Variants in C12orf57 observed in about 807,000 individuals in gnomAD.
C12orf57 encodes the protein chromosome 12 open reading frame 57.
Under a neutral mutation model 11.3 loss-of-function variants are expected in C12orf57, and 14 were observed. That is an observed-to-expected ratio of 1.24 (90% CI 0.82 to 1.94). The LOEUF (loss-of-function observed/expected upper bound fraction) is 1.94, where lower values mean the gene tolerates loss of function less well. Ranked by LOEUF, C12orf57 falls within the 30% of genes most tolerant of loss-of-function variation. The pLI is 0.00. For missense variants in C12orf57, 229 were observed against 172.4 expected (o/e 1.33, Z -1.84); for synonymous variants, 100 against 74.6 (o/e 1.34, Z -1.76).
At chr12:6,944,003 G>C (rs782482974), upstream of C12orf57, 26 of 1,594,736 alleles carry the variant, frequency 1.6e-5, no homozygotes, top group East Asian at 2.2e-5. Context: ...GGCGCTTCCG[G>C]CTGCGCCGGA....
intron 2 of C12orf57, 86 bp from the exon 3 acceptor site, chr12:6,945,685 G>A: frequency 7.0e-7 from 1 of 1,433,020 alleles, no homozygotes; most frequent in Non-Finnish European, 9.7e-7. Flanking sequence ...TGGGGGAGCA[G>A]TTCATGCTTA....
upstream of C12orf57, chr12:6,943,945 T>A: frequency 1.4e-6 from 2 of 1,452,830 alleles, no homozygotes; most frequent in African/African-American, 2.9e-5. Context: ...GTTTTGGTGG[T>A]CTTGATGCAG....
chr12:6,943,811 C>CT, upstream of C12orf57: 1 of 858,122 alleles, frequency 1.2e-6, no homozygotes, highest in South Asian at 1.8e-5. Flanking sequence ...CAAACACATA[C>CT]GCAGCAGTGT....
upstream of C12orf57, chr12:6,943,870 A>AC (rs782583480): frequency 6.3e-6 from 6 of 956,492 alleles, no homozygotes; most frequent in South Asian, 3.5e-5. Flanking sequence ...TTTTTACCGG[A>AC]AAGCCCCTCT....
Position 6,945,973 on chromosome 12 carries a change from C to T in C12orf57, c.*51C>T. 1 of 1,573,092 alleles carries T rather than the reference C, an allele frequency of 6.4e-7. No homozygotes were observed. The highest frequency in any genetic ancestry group is 1.3e-5 in the African/African-American group (1 of 74,234). ...CCAGGGGAGGAAAGGCCTTGATGTTCCAGACAATAATAAATGCGCCTGTGA... is the reference window on the plus strand; with the variant it reads ...CCAGGGGAGGAAAGGCCTTGATGTTTCAGACAATAATAAATGCGCCTGTGA... On this transcript the variant is annotated 3_prime_UTR_variant, in exon 3 of 3. Transcript: ENST00000229281.
Position 6,944,136 on chromosome 12 carries a change from G to A in C12orf57, c.15G>A (p.Ser5=), listed in dbSNP as rs144652065. 3.1e-6 allele frequency: 5 copies of A among 1,614,070 alleles called. No individual in the cohort carries two copies. The highest frequency in any genetic ancestry group is 1.3e-5 in the African/African-American group (1 of 74,928). Reference sequence around the variant, plus strand: ...TCAGACGCCCTATGGCGTCCGCCTCGACCCAACCGGCGGCCTTGAGCGCTG... The same window carrying A: ...TCAGACGCCCTATGGCGTCCGCCTCAACCCAACCGGCGGCCTTGAGCGCTG... MASA[S]TQPAALSAEQ... The change falls in exon 1 of 3, where the codon TCG becomes TCA. Residue 5 remains serine (S), a synonymous_variant. Transcript: ENST00000229281.
chr12:6,944,947 G>A lies in C12orf57; in HGVS notation c.229+295G>A, dbSNP rs1555146236. The stretch of plus-strand genomic sequence containing the variant: ...TTACATATACATGGATATCTTGGGG[G>A]ATGGGACCTAAATCTGAACACGAAA... On this transcript the variant is annotated intron_variant, in intron 2 of 2. Coordinates refer to ENST00000229281, the MANE Select transcript of C12orf57 (RefSeq NM_138425.4). The A allele has an allele frequency of 3.1e-5, 35 of 1,129,654 alleles. No individual in the cohort carries two copies. The East Asian group carries it at 9.3e-4, about 30-fold the overall frequency. 70.0% of individuals were successfully genotyped at this position (1,129,654 alleles called of 1,614,324 possible).
upstream of C12orf57, chr12:6,943,508 G>A (rs781922207): frequency 5.7e-5 from 73 of 1,275,394 alleles, no homozygotes; most frequent in Non-Finnish European, 7.3e-5. Context: ...CTGCGACAAC[G>A]GCTTTTGCTC....
chr12:6,945,840 G>C lies in C12orf57; in HGVS notation c.299G>C (p.Gly100Ala). ...AQDPEIASLS[G>A]KLKALFLPPM... ...GATCCTGAGATCGCCAGCCTGTCAG[G>C]CAAGCTGAAGGCGCTGTTTCTGCCG... The change falls in exon 3 of 3, where the codon GGC becomes GCC. Residue 100 changes from glycine to alanine, a missense_variant. By Grantham distance (60) the Gly-to-Ala change is moderately conservative. Transcript: ENST00000229281. 1 of 1,613,816 alleles carries C rather than the reference G, an allele frequency of 6.2e-7. No individual in the cohort carries two copies. Among genetic ancestry groups the C allele is most frequent in the Non-Finnish European group, 8.5e-7 (1 of 1,179,898 alleles).
chr12:6,943,688 C>T (rs769947239), upstream of C12orf57: 19 of 1,282,610 alleles, frequency 1.5e-5, no homozygotes, highest in Non-Finnish European at 1.8e-5. Context: ...TATTATTTTT[C>T]CTACTGAAAG....
At chr12:6,944,000 C>G (rs1174379753), upstream of C12orf57, 5 of 1,586,344 alleles carry the variant, frequency 3.2e-6, no homozygotes, top group South Asian at 1.1e-5. Context: ...CTGGGCGCTT[C>G]CGGCTGCGCC....
At chr12:6,943,486 G>A, upstream of C12orf57, 1 of 1,271,116 alleles carries the variant, frequency 7.9e-7, no homozygotes, top group Admixed American at 2.6e-5. Context: ...AATAGACAAG[G>A]CCTTTAGGAA....
chr12:6,944,153 T>G lies in C12orf57; in HGVS notation c.32T>G (p.Leu11Trp), dbSNP rs1417249758. 3 of 1,614,082 alleles carry G rather than the reference T, an allele frequency of 1.9e-6. No individual in the cohort carries two copies. The highest frequency in any genetic ancestry group is 1.3e-5 in the African/African-American group (1 of 74,916). MASASTQPAA[L>W]SAEQAKVVLA... is the part of the protein sequence containing the mutation. ...TCCGCCTCGACCCAACCGGCGGCCT[T>G]GAGCGCTGAGCAAGCAAAGGGTGAG... Residue 11 changes from leucine to tryptophan, a missense_variant, in exon 1 of 3, where the codon TTG becomes TGG. By Grantham distance (61) the Leu-to-Trp change is moderately conservative. Coordinates refer to ENST00000229281, the MANE Select transcript of C12orf57 (RefSeq NM_138425.4).
At chr12:6,944,959 A>G (rs1555146243) in intron 2 of C12orf57, 3 of 999,142 alleles carry the variant, frequency 3.0e-6, no homozygotes, top group Non-Finnish European at 4.1e-6. Flanking sequence ...TGGGACCTAA[A>G]TCTGAACACG....
rs1555145965 is a variant in C12orf57, at chr12:6,944,446, A to C, written c.53-30A>C. 4 of 1,604,392 alleles carry C rather than the reference A, an allele frequency of 2.5e-6. No homozygotes were observed. In the South Asian group the frequency reaches 3.3e-5, roughly 13 times the overall value. On this transcript the variant is annotated intron_variant, in intron 1 of 2. Transcript: ENST00000229281. ...GTCTGTTCTCCGACGCCTACCCGGG[A>C]CGCCTCCCTGGGATGCTTCTGGCGC...
upstream of C12orf57, chr12:6,943,480 G>C (rs1216398623): frequency 4.7e-6 from 6 of 1,266,864 alleles, no homozygotes; most frequent in Non-Finnish European, 6.1e-6. Context: ...CTCATCAATA[G>C]ACAAGGCCTT....
chr12:6,943,522 G>A (rs1448066752), upstream of C12orf57: 6 of 1,285,170 alleles, frequency 4.7e-6, no homozygotes, highest in East Asian at 3.3e-4. Context: ...TTTGCTCTGG[G>A]CCTTTACTGC....
chr12:6,943,959 T>G (rs782173109), upstream of C12orf57: 41 of 1,528,114 alleles, frequency 2.7e-5, no homozygotes, highest in African/African-American at 1.3e-4. Flanking sequence ...GATGCAGTTG[T>G]AAGCTTGGGG....
At position 6,944,070 on chromosome 12, in the gene C12orf57, T is replaced by C. The variant is rs919387153; in HGVS notation, c.-52T>C. The C allele has an allele frequency of 8.1e-6, 13 of 1,613,604 alleles. No homozygotes were observed. The highest frequency in any genetic ancestry group is 5.0e-5 in the Admixed American group (3 of 60,008). ...GGAACGGTTGTAGGACGTGGCTCTT[T>C]ATTCGTGAGTTTTCCATTTACCTCC... is the stretch of plus-strand genomic sequence containing the variant. On this transcript the variant is annotated 5_prime_UTR_variant, in exon 1 of 3. Transcript: ENST00000229281.
Sources: allele counts gnomAD v4.1 joint callset, GRCh38; gene constraint gnomAD v4.1.1; transcripts MANE v1.5; gene names NCBI Gene and HGNC (gene_info 2026-07-23, HGNC 2026-07-21).